SPRED1: variants seen among roughly 807,000 people sequenced by gnomAD.
The protein encoded by SPRED1 is sprouty related EVH1 domain containing 1.
Under a neutral mutation model 52.3 loss-of-function variants are expected in SPRED1, and 18 were observed. The ratio of observed to expected loss-of-function variants is 0.34; its 90% CI spans 0.24 to 0.51. The LOEUF (loss-of-function observed/expected upper bound fraction) is 0.51. Ranked by LOEUF, SPRED1 falls within the 20% of genes least tolerant of loss-of-function variation. The pLI is 0.97. For synonymous variants in SPRED1, 155 were observed against 179.7 expected (o/e 0.86, Z 1.10); for missense variants, 485 against 551.0 (o/e 0.88, Z 1.20).
chr15:38,329,562 C>G (rs974582753), intron 4 of SPRED1, among the ~76,000 whole-genome samples: 2 of 152,100 alleles, frequency 1.3e-5, no homozygotes, highest in Non-Finnish European at 2.9e-5. Context: ...TCAGAAAGCC[C>G]TGTTGTATCT....
At position 38,253,038 on chromosome 15, in the gene SPRED1, C is replaced by G; in HGVS notation, c.-148C>G. 2.8e-6 allele frequency: 2 copies of G among 722,086 alleles called. No individual in the cohort carries two copies. The highest frequency in any genetic ancestry group is 4.9e-6 in the Non-Finnish European group (2 of 407,484). The allele number at this position is 722,086 out of a possible 1,614,324, so 44.7% of individuals were successfully genotyped here. ...GGTTCCCGGCTGGGGGGGTACCGTT[C>G]TGGGTGAGGCATCCACCATGGTGAG... On this transcript the variant is annotated 5_prime_UTR_variant, in exon 1 of 7. Coordinates refer to ENST00000299084, the MANE Select transcript of SPRED1 (RefSeq NM_152594.3).
chr15:38,332,572 A>G (rs963606156), intron 4 of SPRED1, among the ~76,000 whole-genome samples: 3 of 152,152 alleles, frequency 2.0e-5, no homozygotes, highest in Non-Finnish European at 4.4e-5. Flanking sequence ...GACCTTGTCT[A>G]GCTAGCTAGC....
intron 2 of SPRED1, among the ~76,000 whole-genome samples, chr15:38,316,726 A>G (rs1895487730): frequency 1.5e-5 from 1 of 67,814 alleles, no homozygotes; most frequent in Admixed American, 1.4e-4. Flanking sequence ...GGCTTTTTCT[A>G]GTTTACAATT....
At chr15:38,303,532 C>T (rs561341589) in intron 2 of SPRED1, among the ~76,000 whole-genome samples, 5 of 152,052 alleles carry the variant, frequency 3.3e-5, no homozygotes, top group South Asian at 2.1e-4. Context: ...TTTAAAATAC[C>T]GAATTATAAT....
At chr15:38,262,681 A>C (rs1196608817) in intron 1 of SPRED1, among the ~76,000 whole-genome samples, 1 of 152,222 alleles carries the variant, frequency 6.6e-6, no homozygotes, top group African/African-American at 2.4e-5. Context: ...CTAGGCCTAA[A>C]ATATGAGACA....
At chr15:38,350,336 C>T (rs1039126990) in intron 6 of SPRED1, among the ~76,000 whole-genome samples, 4 of 152,046 alleles carry the variant, frequency 2.6e-5, no homozygotes, top group Non-Finnish European at 5.9e-5. Flanking sequence ...TCTGTGTGTC[C>T]AAATTTCCTC....
At chr15:38,291,474 A>T (rs1254581758) in intron 1 of SPRED1, among the ~76,000 whole-genome samples, 2 of 152,116 alleles carry the variant, frequency 1.3e-5, no homozygotes, top group African/African-American at 2.4e-5. Flanking sequence ...CGGGGCTCTG[A>T]CCCCACATTT....
rs1242713408 is a variant in SPRED1, at chr15:38,356,721, G to A, written c.*5057G>A. The A allele has an allele frequency of 6.6e-6, 1 of 151,756 alleles. No homozygotes were observed. Among genetic ancestry groups the A allele is most frequent in the Non-Finnish European group, 1.5e-5 (1 of 67,940 alleles). The allele number at this position is 151,756 out of a possible 1,614,324, so 9.4% of individuals were successfully genotyped here. ...TGCAGCTAAGCTAATGACCTTAAGT[G>A]GCAATTGTTTAACCCAGGACTACTG... is the stretch of plus-strand genomic sequence containing the variant. On this transcript the variant is annotated 3_prime_UTR_variant, in exon 7 of 7. Coordinates refer to ENST00000299084, the MANE Select transcript of SPRED1 (RefSeq NM_152594.3).
chr15:38,258,085 A>G (rs918652682), intron 1 of SPRED1, among the ~76,000 whole-genome samples: 1 of 152,194 alleles, frequency 6.6e-6, no homozygotes. Context: ...CAGATAATGT[A>G]CAAAATGATC....
At position 38,354,827 on chromosome 15, in the gene SPRED1, T is replaced by C. The variant is rs1888576477; in HGVS notation, c.*3163T>C. 6.6e-6 allele frequency: 1 copy of C among 152,236 alleles called. No individual in the cohort carries two copies. Among genetic ancestry groups the C allele is most frequent in the Admixed American group, 6.5e-5 (1 of 15,284 alleles). 9.4% of individuals were successfully genotyped at this position (152,236 alleles called of 1,614,324 possible). A position where few individuals can be genotyped will look rare whatever the true frequency, so the allele number is the denominator to read the frequency against. ...AGTTGCTTTAACTCTCAAAAGCCAT[T>C]ACCAAAATGGTATTTTTTTCCTCCT... On this transcript the variant is annotated 3_prime_UTR_variant, in exon 7 of 7. Transcript: ENST00000299084.
At position 38,279,258 on chromosome 15, in the gene SPRED1, C is replaced by A. The variant is rs555136855; in HGVS notation, c.33-20115C>A. 3.2e-4 allele frequency among the ~76,000 whole-genome samples: 49 copies of A among 152,230 alleles called. No homozygotes were observed. The Middle Eastern group carries it at 0.01, about 32-fold the overall frequency. On this transcript the variant is annotated intron_variant, in intron 1 of 6. Coordinates refer to ENST00000299084, the MANE Select transcript of SPRED1 (RefSeq NM_152594.3). ...ACCATATTTGAATGTTAGTCAGTGACCAAGAAGAATTCTACCACATTTTCT... is the reference window on the plus strand; with the variant it reads ...ACCATATTTGAATGTTAGTCAGTGAACAAGAAGAATTCTACCACATTTTCT...
intron 2 of SPRED1, among the ~76,000 whole-genome samples, chr15:38,316,748 G>GGTTTT: frequency 0.013 from 550 of 41,162 alleles, 48 homozygotes; most frequent in South Asian, 0.019. Flanking sequence ...TCCATTATAT[G>GGTTTT]TTTTTTTTTT....
intron 5 of SPRED1, among the ~76,000 whole-genome samples, chr15:38,340,204 CTA>C (rs1359531935): frequency 6.6e-6 from 1 of 152,166 alleles, no homozygotes; most frequent in Non-Finnish European, 1.5e-5. Context: ...GATGTGTTTA[CTA>C]TATGTTTTTA....
At chr15:38,305,102 G>T (rs565513473) in intron 2 of SPRED1, among the ~76,000 whole-genome samples, 21 of 152,244 alleles carry the variant, frequency 1.4e-4, no homozygotes, top group African/African-American at 5.1e-4. Context: ...GCCAAGGCGG[G>T]TGGATTGCCT....
chr15:38,254,393 C>T (rs1206767145), intron 1 of SPRED1, among the ~76,000 whole-genome samples: 1 of 152,102 alleles, frequency 6.6e-6, no homozygotes, highest in African/African-American at 2.4e-5. Context: ...TTCTGCTGAG[C>T]GGGTGTAGAA....
chr15:38,296,675 A>G (rs1299101937), intron 1 of SPRED1, among the ~76,000 whole-genome samples: 2 of 152,182 alleles, frequency 1.3e-5, no homozygotes, highest in Non-Finnish European at 2.9e-5. Context: ...TACCTCCAAA[A>G]TATAACCAAA....
intron 2 of SPRED1, among the ~76,000 whole-genome samples, chr15:38,306,509 T>C (rs1478948913): frequency 2.6e-5 from 4 of 152,214 alleles, no homozygotes; most frequent in Non-Finnish European, 5.9e-5. Context: ...CAGAATCCCA[T>C]TCTTTTCATT....
intron 2 of SPRED1, among the ~76,000 whole-genome samples, chr15:38,317,835 AT>A (rs1182861735): frequency 7.7e-4 from 89 of 115,880 alleles, no homozygotes; most frequent in East Asian, 1.9e-3. Context: ...AACCCCATTG[AT>A]TTTTTTTTTT....
chr15:38,339,731 C>G lies in SPRED1; in HGVS notation c.424-6C>G. The G allele has an allele frequency of 6.2e-7, 1 of 1,613,410 alleles. No individual in the cohort carries two copies. Among genetic ancestry groups the G allele is most frequent in the Non-Finnish European group, 8.5e-7 (1 of 1,179,676 alleles). On this transcript the variant is annotated splice_polypyrimidine_tract_variant and splice_region_variant and intron_variant, in intron 4 of 6. Coordinates refer to ENST00000299084, the MANE Select transcript of SPRED1 (RefSeq NM_152594.3). ...CAACTAATGCATTGAGGGTTGTTCC[C>G]AATAGGCAAATGAAGAGGATTCTTC... is the stretch of plus-strand genomic sequence containing the variant.
Sources: allele counts gnomAD v4.1 joint callset (sites outside exome capture counted in the v4.1 genomes callset), GRCh38; gene constraint gnomAD v4.1.1; transcripts MANE v1.5; gene names NCBI Gene and HGNC (gene_info 2026-07-23, HGNC 2026-07-21).